TPP1: variants seen among roughly 807,000 people sequenced by gnomAD.
The protein encoded by TPP1 is tripeptidyl peptidase 1, also known as tripeptidyl-peptidase 1.
Under a neutral mutation model 67.6 loss-of-function variants are expected in TPP1, and 43 were observed. The observed-to-expected ratio is 0.64, with a 90% CI of 0.50 to 0.82. The LOEUF is 0.82. Ranked by LOEUF, TPP1 falls within the 40% of genes least tolerant of loss-of-function variation. The pLI, the probability that TPP1 is intolerant of heterozygous loss-of-function variation, is 0.00. For synonymous variants in TPP1, 272 were observed against 281.5 expected, an observed-to-expected ratio of 0.97 and a Z score of 0.34; for missense variants, 671 against 710.9, an observed-to-expected ratio of 0.94 and a Z score of 0.64.
rs796053441 is a variant in TPP1, at chr11:6,616,500, C to T, written c.890G>A (p.Arg297Gln). Residue 297 changes from arginine to glutamine, a missense_variant, in exon 8 of 13, where the codon CGG (arginine) becomes CAG (glutamine). Coordinates refer to ENST00000299427, the MANE Select transcript of TPP1 (RefSeq NM_000391.4). ...CAGGAAGGGCTCCTGTCCCTCATGC[C>T]GGCCTGGATTTTTTTTTTTTTTTTT... ...ISTWVYSSPG[R>Q]HEGQEPFLQW... 45 of 1,570,864 alleles carry T rather than the reference C, an allele frequency of 2.9e-5. No homozygotes were observed. Among genetic ancestry groups the T allele is most frequent in the Non-Finnish European group, 3.6e-5 (42 of 1,168,232 alleles).
intron 9 of TPP1, 104 bp downstream of exon 9, chr11:6,615,901 C>T: frequency 7.4e-7 from 1 of 1,354,878 alleles, no homozygotes; most frequent in Non-Finnish European, 1.1e-6. Flanking sequence ...AAGCTTAAGG[C>T]TGAACCACAG....
chr11:6,615,870 G>A (rs535979905), intron 9 of TPP1, 135 bp downstream of exon 9: 38 of 1,012,618 alleles, frequency 3.8e-5, no homozygotes, highest in Non-Finnish European at 5.5e-5. Flanking sequence ...AGAGACAGGA[G>A]TACAGCAACC....
In TPP1 at chr11:6,617,434, G is replaced by T; in HGVS notation, c.381-6C>A. The T allele has an allele frequency of 6.2e-7, 1 of 1,613,482 alleles. No homozygotes were observed. Among genetic ancestry groups the T allele is most frequent in the Non-Finnish European group, 8.5e-7 (1 of 1,180,004 alleles). ...GGAGCAGCAGCTCTGCTTGTCTGGA[G>T]GTCAGAGAACAGAGGTCAGAAAGCT... On this transcript the variant is annotated splice_polypyrimidine_tract_variant and splice_region_variant and intron_variant, in intron 4 of 12. Coordinates refer to ENST00000299427, the MANE Select transcript of TPP1 (RefSeq NM_000391.4).
Position 6,614,544 on chromosome 11 carries a change from G to A in TPP1, c.*2C>T. On this transcript the variant is annotated 3_prime_UTR_variant, in exon 13 of 13. Transcript: ENST00000299427. ...CAAGCCATCTCTCCTGATAGGAAAG[G>A]GTCAGGGGTTGAGTAGAGTCTTCAG... The A allele has an allele frequency of 6.2e-7, 1 of 1,614,176 alleles. No homozygotes were observed. Among genetic ancestry groups the A allele is most frequent in the Non-Finnish European group, 8.5e-7 (1 of 1,180,026 alleles).
intron 2 of TPP1, 44 bp from the exon 3 acceptor site, chr11:6,618,959 G>C: frequency 1.2e-6 from 2 of 1,607,988 alleles, no homozygotes; most frequent in Non-Finnish European, 1.7e-6. Flanking sequence ...TTAGGGTGGA[G>C]ATGGAAAATA....
chr11:6,615,146 A>C, intron 11 of TPP1, 25 bp downstream of exon 11: 1 of 1,614,044 alleles, frequency 6.2e-7, no homozygotes, highest in Non-Finnish European at 8.5e-7. Flanking sequence ...CCTGAGTGAG[A>C]GTTTGGAGAT....
At chr11:6,615,017 G>A in intron 11 of TPP1, 26 bp from the exon 12 acceptor site, 1 of 1,614,102 alleles carries the variant, frequency 6.2e-7, no homozygotes, top group Non-Finnish European at 8.5e-7. Context: ...TGCAAGTAGA[G>A]GTCAGGGGTT....
intron 10 of TPP1, 49 bp from the exon 11 acceptor site, chr11:6,615,378 C>G: frequency 1.2e-6 from 2 of 1,614,096 alleles, no homozygotes; most frequent in Non-Finnish European, 1.7e-6. Context: ...GCCCAGCAGT[C>G]AGCTGAACTG....
intron 11 of TPP1, 77 bp from the exon 12 acceptor site, chr11:6,615,068 C>T (rs1283880320): frequency 4.3e-5 from 70 of 1,613,296 alleles, no homozygotes; most frequent in Non-Finnish European, 5.8e-5. Context: ...TTTAAAGTAT[C>T]AGACATCTCT....
At position 6,612,912 on chromosome 11, in the gene TPP1, A is replaced by G. The variant is rs886048534; in HGVS notation, c.*1634T>C. 1.3e-5 allele frequency: 2 copies of G among 152,828 alleles called. No homozygotes were observed. Among genetic ancestry groups the G allele is most frequent in the Admixed American group, 6.5e-5 (1 of 15,310 alleles). The allele number at this position is 152,828 out of a possible 1,614,324, so 9.5% of individuals were successfully genotyped here. A position where few individuals can be genotyped will look rare whatever the true frequency, so the allele number is the denominator to read the frequency against. On this transcript the variant is annotated 3_prime_UTR_variant, in exon 13 of 13. Transcript: ENST00000299427. ...GCAGACAAGTAAACTGGCCATTTCA[A>G]TACTACGTGGTCGTTACAATGCTAG...
chr11:6,616,172 G>A (rs1425356276), intron 8 of TPP1, 98 bp from the exon 9 acceptor site: 1 of 1,578,346 alleles, frequency 6.3e-7, no homozygotes. Context: ...GGAGGTCAGA[G>A]TGTAGAGGTC....
In TPP1 at chr11:6,615,335, A is replaced by AG. The variant is rs1206155969; in HGVS notation, c.1267-7dup. 1.2e-6 allele frequency: 2 copies of AG among 1,614,026 alleles called. No homozygotes were observed. The highest frequency in any genetic ancestry group is 1.7e-6 in the Non-Finnish European group (2 of 1,180,030). On this transcript the variant is annotated splice_region_variant and splice_polypyrimidine_tract_variant and intron_variant, in intron 10 of 12. Transcript: ENST00000299427. ...AACTTCGTTACAGCTTCCTCCTGAA[A>AG]GGCATTTTTGAGTGAGTATTGGCAT...
At chr11:6,618,039 G>A (rs1230812337) in intron 3 of TPP1, 1 of 547,066 alleles carries the variant, frequency 1.8e-6, no homozygotes, top group African/African-American at 1.9e-5. Context: ...CCATGATCAT[G>A]AAAATGAATG....
chr11:6,615,162 G>A lies in TPP1; in HGVS notation c.1425+9C>T. 1 of 1,614,176 alleles carries A rather than the reference G, an allele frequency of 6.2e-7. No homozygotes were observed. Among genetic ancestry groups the A allele is most frequent in the Non-Finnish European group, 8.5e-7 (1 of 1,180,036 alleles). On this transcript the variant is annotated intron_variant, in intron 11 of 12. Coordinates refer to ENST00000299427, the MANE Select transcript of TPP1 (RefSeq NM_000391.4). ...CTGAGTGAGAGTTTGGAGATGGGCT[G>A]ATTCTCACCGAGGTTCCGGACACCC...
rs1463578336 is a variant in TPP1 at position 6,614,987 on chromosome 11, G to A, written c.1430C>T (p.Ser477Phe). ...TAGGATCCCCCCAAACACTGGAGTA[G>A]AGGCCTACAAGAGTGAAGGTGCAAG... ...PIPWVSGTSA[S>F]TPVFGGILSL... Residue 477 changes from serine to phenylalanine, a missense_variant, in exon 12 of 13, where the codon TCT becomes TTT. Coordinates refer to ENST00000299427, the MANE Select transcript of TPP1 (RefSeq NM_000391.4). 1 of 1,614,166 alleles carries A rather than the reference G, an allele frequency of 6.2e-7. No homozygotes were observed. Among genetic ancestry groups the A allele is most frequent in the Non-Finnish European group, 8.5e-7 (1 of 1,180,032 alleles).
intron 8 of TPP1, 94 bp from the exon 9 acceptor site, chr11:6,616,168 C>A: frequency 1.3e-6 from 2 of 1,584,368 alleles, no homozygotes; most frequent in South Asian, 2.2e-5. Context: ...TGTAGGAGGT[C>A]AGAGTGTAGA....
intron 3 of TPP1, chr11:6,618,430 T>G: frequency 1.0e-5 from 5 of 500,052 alleles, no homozygotes; most frequent in South Asian, 2.4e-5. Context: ...AATAACGGAG[T>G]TGGTCGTAAC....
chr11:6,615,295 G>T lies in TPP1; in HGVS notation c.1301C>A (p.Pro434His). 6.2e-7 allele frequency: 1 copy of T among 1,614,152 alleles called. No individual in the cohort carries two copies. The highest frequency in any genetic ancestry group is 8.5e-7 in the Non-Finnish European group (1 of 1,180,034). The change falls in exon 11 of 13, where the codon CCC (proline) becomes CAC (histidine). Residue 434 changes from proline to histidine, a missense_variant. Transcript: ENST00000299427. ...EAVTKFLSSS[P>H]HLPPSSYFNA... is the part of the protein sequence containing the mutation. Reference sequence around the variant, plus strand: ...GAAGTAACTGGATGGTGGCAGGTGGGGGCTAGAGCTCAGGAACTTCGTTAC... The same window carrying T: ...GAAGTAACTGGATGGTGGCAGGTGGTGGCTAGAGCTCAGGAACTTCGTTAC...
In TPP1 at chr11:6,617,677, T is replaced by C. The variant is rs1855607081; in HGVS notation, c.329A>G (p.Lys110Arg). The C allele has an allele frequency of 1.2e-6, 2 of 1,614,208 alleles. No homozygotes were observed. ...QKWLLAAGAQ[K>R]CHSVITQDFL... ...GTCCTGTGTGATCACAGAATGGCAC[T>C]TCTGGGCTCCGGCTGCCAAGAGCCA... Residue 110 changes from lysine (K) to arginine (R), a missense_variant, in exon 4 of 13, where the codon AAG becomes AGG. Lys to Arg is a conservative substitution (Grantham distance 26, BLOSUM62 2). Transcript: ENST00000299427.
Sources: allele counts gnomAD v4.1 joint callset, GRCh38; gene constraint gnomAD v4.1.1; transcripts MANE v1.5; gene names NCBI Gene and HGNC (gene_info 2026-07-23, HGNC 2026-07-21).